The following SYT1 variants were observed in gnomAD, a reference collection of about 807,000 sequenced individuals.
SYT1 encodes synaptotagmin 1.
A neutral mutation model predicts 44.8 loss-of-function variants in SYT1; 8 were observed. The ratio of observed to expected loss-of-function variants is 0.18; its 90% confidence interval spans 0.10 to 0.32. The LOEUF (loss-of-function observed/expected upper bound fraction) is 0.32. SYT1 is among the 10% of genes least tolerant of loss of function. The pLI is 1.00. For missense variants in SYT1, 286 were observed against 509.3 expected (o/e 0.56, Z 4.22); for synonymous variants, 154 against 188.8 (o/e 0.82, Z 1.51).
chr12:79,438,881 A>G (rs1230237294), intron 9 of SYT1, among the ~76,000 whole-genome samples: 1 of 152,190 alleles, frequency 6.6e-6, no homozygotes, highest in Non-Finnish European at 1.5e-5. Context: ...TGAATAGGAA[A>G]GAGTTTGGGG....
intron 3 of SYT1, among the ~76,000 whole-genome samples, chr12:79,152,197 G>A (rs1870313821): frequency 6.6e-6 from 1 of 152,136 alleles, no homozygotes; most frequent in East Asian, 1.9e-4. Context: ...ATGTGCAGAT[G>A]TAGGGGGATA....
rs137998541 is a variant in SYT1, at chr12:79,293,001, G to A, written c.474+871G>A. Among the ~76,000 whole-genome samples, 133 of 152,118 alleles carry A rather than the reference G, an allele frequency of 8.7e-4. 1 individual carries two copies. In the East Asian group the frequency reaches 0.019, roughly 21 times the overall value. ...AGAATTAGGGGAACAGGCTAAGTTAGAGACCAGGTTTTTAAAAATCTGTAA... is the reference window on the plus strand; with the variant it reads ...AGAATTAGGGGAACAGGCTAAGTTAAAGACCAGGTTTTTAAAAATCTGTAA... On this transcript the variant is annotated intron_variant, in intron 6 of 10. Transcript: ENST00000261205.
At chr12:79,419,850 T>C (rs926945428) in intron 9 of SYT1, among the ~76,000 whole-genome samples, 8 of 152,160 alleles carry the variant, frequency 5.3e-5, no homozygotes, top group African/African-American at 9.7e-5. Context: ...TATGTTTTTA[T>C]GACACACACA....
At chr12:79,012,255 G>T (rs959137431) in intron 2 of SYT1, among the ~76,000 whole-genome samples, 1 of 152,094 alleles carries the variant, frequency 6.6e-6, no homozygotes. Flanking sequence ...TTGGGAATCA[G>T]CACAGTCAGT....
intron 1 of SYT1, among the ~76,000 whole-genome samples, chr12:78,943,600 A>G (rs1878502289): frequency 6.6e-6 from 1 of 152,118 alleles, no homozygotes. Flanking sequence ...ATTCAACATG[A>G]GATTTGGCAG....
chr12:79,405,748 A>C (rs780905353), intron 9 of SYT1, among the ~76,000 whole-genome samples: 3 of 152,152 alleles, frequency 2.0e-5, no homozygotes, highest in Non-Finnish European at 4.4e-5. Flanking sequence ...CTATGATGCC[A>C]TCAGGGACCT....
At chr12:79,201,795 C>CTTAAAAAA (rs1384456731) in intron 3 of SYT1, among the ~76,000 whole-genome samples, 1 of 152,054 alleles carries the variant, frequency 6.6e-6, no homozygotes, top group African/African-American at 2.4e-5. Flanking sequence ...ACTTAAGAAT[C>CTTAAAAAA]TTAAAAAATT....
At chr12:78,920,349 A>C (rs546295736) in intron 1 of SYT1, among the ~76,000 whole-genome samples, 1 of 152,122 alleles carries the variant, frequency 6.6e-6, no homozygotes, top group East Asian at 1.9e-4. Context: ...CTTATGAGCT[A>C]ATAGATCGCA....
intron 8 of SYT1, among the ~76,000 whole-genome samples, chr12:79,308,598 GA>G (rs1880567828): frequency 3.6e-5 from 3 of 83,920 alleles, no homozygotes; most frequent in African/African-American, 1.4e-4. Flanking sequence ...AAAGAAGAAA[GA>G]AAGAAAGAAA....
At position 78,949,424 on chromosome 12, in the gene SYT1, T is replaced by C. The variant is rs1484444786; in HGVS notation, c.-216-28375T>C. Among the ~76,000 whole-genome samples, 4 of 151,570 alleles carry C rather than the reference T, an allele frequency of 2.6e-5. No individual in the cohort carries two copies. The East Asian group carries it at 7.7e-4, about 29-fold the overall frequency. On this transcript the variant is annotated intron_variant, in intron 1 of 10. Coordinates refer to ENST00000261205, the MANE Select transcript of SYT1 (RefSeq NM_005639.3). ...TAAAATATGTCTACTGGTTTCAAGA[T>C]ATTTCCAAGAAAGTTTAGAAGATGT...
intron 4 of SYT1, among the ~76,000 whole-genome samples, chr12:79,221,292 C>T (rs910741506): frequency 4.6e-5 from 7 of 151,680 alleles, no homozygotes; most frequent in Non-Finnish European, 8.8e-5. Flanking sequence ...TTTTTCATTC[C>T]TTTATTCTGT....
rs200621163 is a variant in SYT1 at position 79,120,939 on chromosome 12, C to CTA, written c.-18+73590_-18+73591dup. Among the ~76,000 whole-genome samples the CTA allele has an allele frequency of 4.8e-3, 687 of 143,396 alleles. 6 individuals are homozygous for CTA. Among genetic ancestry groups the CTA allele is most frequent in the African/African-American group, 0.015 (561 of 38,440 alleles). The allele number at this position is 143,396 out of a possible 152,430, so 94.1% of individuals were successfully genotyped here. A position where few individuals can be genotyped will look rare whatever the true frequency, so the allele number is the denominator to read the frequency against. On this transcript the variant is annotated intron_variant, in intron 3 of 10. Coordinates refer to ENST00000261205, the MANE Select transcript of SYT1 (RefSeq NM_005639.3). ...CACATATTTGTGTATGTATATATAT[C>CTA]TATATATATATATAGATATATATAC...
chr12:79,395,867 C>T (rs1163962803), intron 9 of SYT1, among the ~76,000 whole-genome samples: 1 of 152,040 alleles, frequency 6.6e-6, no homozygotes, highest in African/African-American at 2.4e-5. Context: ...AAATAACATA[C>T]TCAGTAAAGA....
At chr12:79,025,173 G>A (rs558486784) in intron 2 of SYT1, among the ~76,000 whole-genome samples, 11 of 151,806 alleles carry the variant, frequency 7.2e-5, no homozygotes, top group East Asian at 1.9e-4. Context: ...GTATTTTGAC[G>A]TGATACATGT....
chr12:79,201,660 G>A (rs1873796478), intron 3 of SYT1, among the ~76,000 whole-genome samples: 1 of 152,114 alleles, frequency 6.6e-6, no homozygotes, highest in South Asian at 2.1e-4. Flanking sequence ...ATGCATCATA[G>A]TTTATAACTA....
intron 1 of SYT1, among the ~76,000 whole-genome samples, chr12:78,886,672 C>T (rs1565702387): frequency 6.6e-6 from 1 of 151,866 alleles, no homozygotes; most frequent in Non-Finnish European, 1.5e-5. Context: ...AGCATTCAGC[C>T]ACATTTGAAT....
chr12:79,125,556 A>G (rs576159319), intron 3 of SYT1, among the ~76,000 whole-genome samples: 107 of 150,804 alleles, frequency 7.1e-4, no homozygotes, highest in African/African-American at 2.5e-3. Context: ...GGAGGTGGAG[A>G]CTGCACTGAG....
At chr12:79,447,222 C>CT (rs1870787311) in intron 10 of SYT1, among the ~76,000 whole-genome samples, 2 of 150,360 alleles carry the variant, frequency 1.3e-5, no homozygotes, top group African/African-American at 4.9e-5. Flanking sequence ...TTTTTTTTTC[C>CT]TTTTTTTATA....
At chr12:78,952,066 G>A (rs1023615259) in intron 1 of SYT1, among the ~76,000 whole-genome samples, 19 of 152,084 alleles carry the variant, frequency 1.2e-4, no homozygotes, top group Admixed American at 3.9e-4. Context: ...ATGAAATTAT[G>A]AGCATACAAC....
Sources: gnomAD v4.1 joint callset for allele counts (sites outside exome capture counted in the v4.1 genomes callset) on GRCh38, gnomAD v4.1.1 for gene constraint, MANE v1.5 for transcripts, NCBI Gene and HGNC (gene_info 2026-07-23, HGNC 2026-07-21) for gene names.